MCPH1: variants seen among roughly 807,000 people sequenced by gnomAD.
The protein encoded by MCPH1 is microcephalin 1, also known as microcephalin.
A neutral mutation model predicts 84.5 loss-of-function variants in MCPH1; 104 were observed. The ratio of observed to expected loss-of-function variants is 1.23; its 90% CI spans 1.05 to 1.45. The LOEUF is 1.45. Ranked by LOEUF, MCPH1 falls within the 40% of genes most tolerant of loss-of-function variation. MCPH1 has a pLI of 0.00. For synonymous variants in MCPH1, 514 were observed against 366.8 expected (o/e 1.40, Z -4.58); for missense variants, 1,498 against 1,005.7 (o/e 1.49, Z -6.62).
intron 3 of MCPH1, among the ~76,000 whole-genome samples, chr8:6,424,120 C>G (rs1444194472): frequency 2.6e-5 from 4 of 152,098 alleles, no homozygotes; most frequent in Non-Finnish European, 5.9e-5. Flanking sequence ...TGGGTTCCTT[C>G]TGGGAGTGTT....
At chr8:6,449,437 C>T (rs1470355001) in intron 8 of MCPH1, among the ~76,000 whole-genome samples, 10 of 152,066 alleles carry the variant, frequency 6.6e-5, no homozygotes, top group Admixed American at 6.5e-4. Flanking sequence ...AGTTCAAGAC[C>T]AACCTGACCA....
chr8:6,433,436 C>A (rs1167620293), intron 4 of MCPH1, among the ~76,000 whole-genome samples: 3 of 151,990 alleles, frequency 2.0e-5, no homozygotes, highest in Non-Finnish European at 4.4e-5. Flanking sequence ...AGTTTGAGAG[C>A]AGCCTGGCCA....
chr8:6,454,866 G>A (rs751756643), intron 8 of MCPH1, among the ~76,000 whole-genome samples: 5 of 152,166 alleles, frequency 3.3e-5, no homozygotes, highest in Non-Finnish European at 7.3e-5. Flanking sequence ...TAAGGTATGG[G>A]TATACATTTT....
At chr8:6,548,318 C>T (rs1243602281) in intron 12 of MCPH1, among the ~76,000 whole-genome samples, 1 of 152,134 alleles carries the variant, frequency 6.6e-6, no homozygotes, top group Admixed American at 6.5e-5. Context: ...CGTCACTTCC[C>T]AGCTGTTGGT....
rs773887087 is a variant in MCPH1 at position 6,503,195 on chromosome 8, G to C, written c.2214+3266G>C. ...CCATTTAATGCCGTTGAACTTATTT[G>C]TGTTCTGCCTCTGTGGATAGTACAT... On this transcript the variant is annotated intron_variant, in intron 12 of 13. Transcript: ENST00000344683. 1.9e-6 allele frequency: 3 copies of C among 1,614,132 alleles called. No individual in the cohort carries two copies. Among genetic ancestry groups the C allele is most frequent in the Admixed American group, 1.7e-5 (1 of 60,014 alleles).
chr8:6,459,655 C>G (rs946244157), intron 9 of MCPH1, among the ~76,000 whole-genome samples: 3 of 152,188 alleles, frequency 2.0e-5, no homozygotes, highest in Admixed American at 6.5e-5. Context: ...TGAGAGCCAG[C>G]CTACATGCTA....
intron 1 of MCPH1, among the ~76,000 whole-genome samples, chr8:6,408,978 C>T (rs1011766960): frequency 3.9e-5 from 6 of 152,072 alleles, no homozygotes; most frequent in South Asian, 2.1e-4. Context: ...CTCTGCCTCC[C>T]GGGTTCAAGT....
chr8:6,544,734 G>C (rs897031306), intron 12 of MCPH1, among the ~76,000 whole-genome samples: 3 of 152,132 alleles, frequency 2.0e-5, no homozygotes, highest in Non-Finnish European at 4.4e-5. Flanking sequence ...TTAAGATAAA[G>C]ACACAGATAC....
intron 13 of MCPH1, chr8:6,642,774 T>C (rs1563231097): frequency 1.7e-6 from 1 of 598,000 alleles, no homozygotes; most frequent in Non-Finnish European, 3.1e-6. Context: ...GCACTTGAAC[T>C]GGCCAGTGTG....
At chr8:6,497,139 A>G (rs938818149) in intron 11 of MCPH1, among the ~76,000 whole-genome samples, 4 of 152,146 alleles carry the variant, frequency 2.6e-5, no homozygotes, top group Non-Finnish European at 5.9e-5. Context: ...ATATTTAGCT[A>G]TAATCCTTTT....
At chr8:6,628,603 G>A (rs1796937171) in intron 13 of MCPH1, among the ~76,000 whole-genome samples, 1 of 152,050 alleles carries the variant, frequency 6.6e-6, no homozygotes, top group African/African-American at 2.4e-5. Flanking sequence ...TTAGAAATGT[G>A]GTGGTTGGTT....
rs191841091 is a variant in MCPH1 at position 6,533,244 on chromosome 8, A to C, written c.2214+33315A>C. ...GATGATCATGCTGACTAATTTTAGC[A>C]TTAACTGAAACACAAGAGAAGGAAG... On this transcript the variant is annotated intron_variant, in intron 12 of 13. Transcript: ENST00000344683. Among the ~76,000 whole-genome samples, 5 of 152,360 alleles carry C rather than the reference A, an allele frequency of 3.3e-5. No homozygotes were observed. In the East Asian group the frequency reaches 9.6e-4, roughly 29 times the overall value.
At chr8:6,557,961 C>T (rs531174079) in intron 12 of MCPH1, among the ~76,000 whole-genome samples, 2 of 152,268 alleles carry the variant, frequency 1.3e-5, no homozygotes, top group East Asian at 1.9e-4. Context: ...AGTTGTGCCA[C>T]GTCCTCCCCC....
chr8:6,488,804 T>C (rs1250036428), intron 11 of MCPH1, among the ~76,000 whole-genome samples: 1 of 151,896 alleles, frequency 6.6e-6, no homozygotes, highest in Non-Finnish European at 1.5e-5. Flanking sequence ...AAAGAATGGA[T>C]TGCAGGGAGG....
intron 12 of MCPH1, among the ~76,000 whole-genome samples, chr8:6,586,161 A>G (rs1020758956): frequency 3.3e-5 from 5 of 151,966 alleles, no homozygotes; most frequent in African/African-American, 7.3e-5. Flanking sequence ...GAGTCTCTCT[A>G]TGTTGCCCAG....
At chr8:6,615,589 A>C (rs923013903) in intron 12 of MCPH1, 5 of 152,230 alleles carry the variant, frequency 3.3e-5, no homozygotes, top group Non-Finnish European at 7.3e-5. Flanking sequence ...GAAAAAATGG[A>C]AAGTAGACCA....
At chr8:6,513,935 C>T in intron 12 of MCPH1, 1 of 1,220,540 alleles carries the variant, frequency 8.2e-7, no homozygotes. Context: ...CATAGAATAA[C>T]TATCAAATAG....
At chr8:6,422,909 C>T (rs1800443273) in intron 3 of MCPH1, among the ~76,000 whole-genome samples, 2 of 151,760 alleles carry the variant, frequency 1.3e-5, no homozygotes, top group African/African-American at 2.4e-5. Flanking sequence ...AGGATGGTCT[C>T]GATCTCCTGA....
At chr8:6,482,786 C>T (rs536379698) in intron 11 of MCPH1, among the ~76,000 whole-genome samples, 1 of 152,164 alleles carries the variant, frequency 6.6e-6, no homozygotes, top group Non-Finnish European at 1.5e-5. Context: ...TGTATCTCTT[C>T]TGGGATTACC....
Sources: allele counts gnomAD v4.1 joint callset (sites outside exome capture counted in the v4.1 genomes callset), GRCh38; gene constraint gnomAD v4.1.1; transcripts MANE v1.5; gene names NCBI Gene and HGNC (gene_info 2026-07-23, HGNC 2026-07-21).